The following NDST4 variants were observed in gnomAD, a reference collection of about 807,000 sequenced individuals.
NDST4 encodes N-deacetylase and N-sulfotransferase 4.
A neutral mutation model predicts 100.8 loss-of-function variants in NDST4; 63 were observed. The ratio of observed to expected loss-of-function variants is 0.62; its 90% confidence interval spans 0.51 to 0.77. NDST4 has a LOEUF of 0.77. NDST4 is among the 30% of genes least tolerant of loss of function. NDST4 has a pLI of 0.00. For synonymous variants in NDST4, 377 were observed against 361.8 expected (o/e 1.04, Z -0.48); for missense variants, 943 against 1,018.4 (o/e 0.93, Z 1.01).
chr4:114,891,816 C>A (rs994602770), intron 6 of NDST4, among the ~76,000 whole-genome samples: 3 of 152,096 alleles, frequency 2.0e-5, no homozygotes, highest in African/African-American at 7.2e-5. Context: ...CATGGTCTAA[C>A]CTTAACCTTG....
At chr4:115,030,570 G>T (rs1304500076) in intron 2 of NDST4, among the ~76,000 whole-genome samples, 2 of 151,968 alleles carry the variant, frequency 1.3e-5, no homozygotes, top group African/African-American at 4.8e-5. Context: ...CTTTTGGGAA[G>T]AAATATAATA....
intron 2 of NDST4, among the ~76,000 whole-genome samples, chr4:115,005,904 G>A (rs1210525013): frequency 6.6e-6 from 1 of 151,744 alleles, no homozygotes; most frequent in East Asian, 1.9e-4. Flanking sequence ...GTGGTGGTAT[G>A]CGTTTGTAAT....
intron 2 of NDST4, among the ~76,000 whole-genome samples, chr4:115,026,156 G>A (rs879258857): frequency 1.3e-5 from 2 of 151,834 alleles, no homozygotes; most frequent in Non-Finnish European, 2.9e-5. Flanking sequence ...TTAACCTTAA[G>A]TTAATTTTCT....
chr4:114,939,139 C>A (rs1321193764), intron 4 of NDST4, among the ~76,000 whole-genome samples: 1 of 152,102 alleles, frequency 6.6e-6, no homozygotes, highest in Non-Finnish European at 1.5e-5. Flanking sequence ...TCCATGCTCG[C>A]CAATGAGTGG....
chr4:114,981,441 T>A (rs1184333380), intron 2 of NDST4, among the ~76,000 whole-genome samples: 1 of 152,178 alleles, frequency 6.6e-6, no homozygotes, highest in Non-Finnish European at 1.5e-5. Flanking sequence ...TCTGTCATAA[T>A]GCCTACAAAT....
chr4:114,996,986 G>A (rs1727179392), intron 2 of NDST4, among the ~76,000 whole-genome samples: 1 of 152,098 alleles, frequency 6.6e-6, no homozygotes, highest in East Asian at 1.9e-4. Flanking sequence ...AGGTACTTCT[G>A]GTACCTATGA....
rs145550738 is a variant in NDST4, at chr4:114,835,993, G to C, written c.2287-2278C>G. Among the ~76,000 whole-genome samples the C allele has an allele frequency of 4.7e-3, 713 of 151,832 alleles. 1 individual carries two copies. Among genetic ancestry groups the C allele is most frequent in the Non-Finnish European group, 8.1e-3 (547 of 67,950 alleles). On this transcript the variant is annotated intron_variant, in intron 11 of 13. Coordinates refer to ENST00000264363, the MANE Select transcript of NDST4 (RefSeq NM_022569.3). Reference sequence around the variant, plus strand: ...ATATTCCTCCATTCCTTTATTTTGAGCCTATGTGCGTCTTCGCACGTGAGA... The same window carrying C: ...ATATTCCTCCATTCCTTTATTTTGACCCTATGTGCGTCTTCGCACGTGAGA...
intron 1 of NDST4, among the ~76,000 whole-genome samples, chr4:115,093,450 G>A (rs1729561367): frequency 6.6e-6 from 1 of 151,820 alleles, no homozygotes. Context: ...ACTCCAGCCT[G>A]GGTGACAGAG....
At chr4:114,983,083 G>C (rs1183675572) in intron 2 of NDST4, among the ~76,000 whole-genome samples, 1 of 152,206 alleles carries the variant, frequency 6.6e-6, no homozygotes, top group Non-Finnish European at 1.5e-5. Context: ...GAAATTCCTG[G>C]ATATTCAGGC....
intron 2 of NDST4, among the ~76,000 whole-genome samples, chr4:114,988,236 T>A (rs1726954553): frequency 6.6e-6 from 1 of 151,980 alleles, no homozygotes. Context: ...AAACAACTTT[T>A]AAGTTGTTAA....
At chr4:114,993,577 T>C (rs1727096804) in intron 2 of NDST4, among the ~76,000 whole-genome samples, 2 of 151,974 alleles carry the variant, frequency 1.3e-5, no homozygotes, top group African/African-American at 4.8e-5. Flanking sequence ...TTTCCTTAAA[T>C]CTGCTTTTGA....
At chr4:115,063,135 G>T (rs1728859346) in intron 2 of NDST4, among the ~76,000 whole-genome samples, 1 of 151,904 alleles carries the variant, frequency 6.6e-6, no homozygotes, top group Non-Finnish European at 1.5e-5. Context: ...GTGCCAAACT[G>T]TTCTTATTAT....
chr4:114,894,350 C>T lies in NDST4; in HGVS notation c.1537-23400G>A, dbSNP rs533545447. 5.9e-5 allele frequency among the ~76,000 whole-genome samples: 9 copies of T among 152,138 alleles called. No individual in the cohort carries two copies. In the East Asian group the frequency reaches 1.7e-3, roughly 29 times the overall value. ...TTGGGCAGTTTGGCCATTTTCATGA[C>T]ATTGATTCTTCATATCCATGAGTAT... On this transcript the variant is annotated intron_variant, in intron 6 of 13. Transcript: ENST00000264363.
chr4:114,859,712 G>A (rs1057362629), intron 7 of NDST4, among the ~76,000 whole-genome samples: 7 of 152,152 alleles, frequency 4.6e-5, no homozygotes, highest in East Asian at 1.9e-4. Flanking sequence ...GCAGGGGTAC[G>A]GAAGACTGAC....
Position 114,929,103 on chromosome 4 carries a change from TCC to T in NDST4, c.1536+6101_1536+6102del, listed in dbSNP as rs1560817061. On this transcript the variant is annotated intron_variant, in intron 6 of 13. Coordinates refer to ENST00000264363, the MANE Select transcript of NDST4 (RefSeq NM_022569.3). ...ATCCATCCATCCATCCATCCATCCA[TCC>T]ATCCATCCATCTATCTATCTATCTA... Among the ~76,000 whole-genome samples the T allele has an allele frequency of 5.5e-3, 720 of 131,572 alleles. 12 individuals are homozygous for T. The highest frequency in any genetic ancestry group is 0.019 in the African/African-American group (684 of 36,442). The allele number at this position is 131,572 out of a possible 152,430, so 86.3% of individuals were successfully genotyped here.
chr4:115,000,584 ACTAT>A (rs931437356), intron 2 of NDST4, among the ~76,000 whole-genome samples: 3 of 152,120 alleles, frequency 2.0e-5, no homozygotes, highest in South Asian at 2.1e-4. Context: ...GCAAATACTT[ACTAT>A]CTGTCTTTAT....
intron 2 of NDST4, among the ~76,000 whole-genome samples, chr4:114,999,005 T>G (rs1727224498): frequency 1.3e-5 from 2 of 152,216 alleles, no homozygotes; most frequent in South Asian, 4.1e-4. Context: ...AAAGTAAACT[T>G]CATGAAGATG....
chr4:114,919,941 A>G (rs1036627858), intron 6 of NDST4, among the ~76,000 whole-genome samples: 3 of 152,188 alleles, frequency 2.0e-5, no homozygotes, highest in African/African-American at 7.2e-5. Context: ...AACCTACTAT[A>G]GGTACACACT....
intron 2 of NDST4, among the ~76,000 whole-genome samples, chr4:115,056,115 G>T (rs1728688871): frequency 6.6e-6 from 1 of 152,078 alleles, no homozygotes; most frequent in African/African-American, 2.4e-5. Flanking sequence ...ACTTCGTGAG[G>T]TCAAGGCGAG....
Sources: gnomAD v4.1 joint callset for allele counts (sites outside exome capture counted in the v4.1 genomes callset) on GRCh38, gnomAD v4.1.1 for gene constraint, MANE v1.5 for transcripts, NCBI Gene and HGNC (gene_info 2026-07-23, HGNC 2026-07-21) for gene names.